CADM2: variants seen among roughly 807,000 people sequenced by gnomAD.
CADM2 encodes cell adhesion molecule 2, also known as immunoglobulin superfamily member 4D.
Under a neutral mutation model 49.8 loss-of-function variants are expected in CADM2, and 12 were observed. That is an observed-to-expected ratio of 0.24 (90% confidence interval 0.15 to 0.39). CADM2 has a LOEUF of 0.39. Ranked by LOEUF, CADM2 falls within the 10% of genes least tolerant of loss-of-function variation. The pLI, the probability that CADM2 is intolerant of heterozygous loss-of-function variation, is 1.00. For synonymous variants in CADM2, 214 were observed against 175.4 expected (o/e 1.22, Z -1.74); for missense variants, 378 against 492.3 (o/e 0.77, Z 2.20).
chr3:85,549,789 ATTTTT>A (rs71617942), intron 1 of CADM2, among the ~76,000 whole-genome samples: 1 of 134,874 alleles, frequency 7.4e-6, no homozygotes, highest in East Asian at 2.2e-4. Context: ...ATGCTGGGCT[ATTTTT>A]TTTTTTTTTG....
At chr3:86,017,919 C>G (rs1347091988) in intron 8 of CADM2, among the ~76,000 whole-genome samples, 1 of 143,184 alleles carries the variant, frequency 7.0e-6, no homozygotes, top group African/African-American at 2.6e-5. Flanking sequence ...GGTACATGTG[C>G]ACATTGTGCA....
chr3:85,939,704 GT>G (rs111587313), intron 7 of CADM2, among the ~76,000 whole-genome samples: 1,726 of 150,610 alleles, frequency 0.011, 31 homozygotes, highest in African/African-American at 0.038. Context: ...ATAATTATAG[GT>G]ATTGATAAGT....
intron 1 of CADM2, among the ~76,000 whole-genome samples, chr3:85,007,341 G>C (rs964186127): frequency 6.6e-6 from 1 of 152,066 alleles, no homozygotes; most frequent in Admixed American, 6.6e-5. Flanking sequence ...GTGAAACAAA[G>C]AGTCTCTGTG....
chr3:85,202,516 GC>G (rs1475786555), intron 1 of CADM2, among the ~76,000 whole-genome samples: 1 of 152,056 alleles, frequency 6.6e-6, no homozygotes, highest in Non-Finnish European at 1.5e-5. Context: ...TCAACAGTGG[GC>G]TTAAAATATT....
rs992918615 is a variant in CADM2 at position 85,715,559 on chromosome 3, G to T, written c.62-10963G>T. Reference sequence around the variant, plus strand: ...CTGGGATACATGTGCAGAACGTGCAGGTTTGTTACATAGATATTCATGTGC... The same window carrying T: ...CTGGGATACATGTGCAGAACGTGCATGTTTGTTACATAGATATTCATGTGC... On this transcript the variant is annotated intron_variant, in intron 1 of 9. Transcript: ENST00000383699. 2.0e-5 allele frequency among the ~76,000 whole-genome samples: 3 copies of T among 152,094 alleles called. 1 individual carries two copies. In the South Asian group the frequency reaches 6.2e-4, roughly 32 times the overall value.
chr3:85,351,680 T>G (rs570483926), intron 1 of CADM2, among the ~76,000 whole-genome samples: 1 of 152,310 alleles, frequency 6.6e-6, no homozygotes, highest in South Asian at 2.1e-4. Flanking sequence ...TGCAAGTGTT[T>G]CTGGTCCTGA....
At chr3:85,718,418 T>G (rs2067374306) in intron 1 of CADM2, among the ~76,000 whole-genome samples, 1 of 152,204 alleles carries the variant, frequency 6.6e-6, no homozygotes, top group Admixed American at 6.5e-5. Flanking sequence ...GGGTTTGCAT[T>G]TATCTTACAG....
chr3:85,098,315 C>A (rs1297540392), intron 1 of CADM2, among the ~76,000 whole-genome samples: 3 of 148,776 alleles, frequency 2.0e-5, no homozygotes, highest in African/African-American at 7.4e-5. Flanking sequence ...ACCAAAGGTA[C>A]ACAGTTTAAA....
intron 5 of CADM2, among the ~76,000 whole-genome samples, chr3:85,898,063 G>A (rs1043490509): frequency 6.6e-6 from 1 of 152,060 alleles, no homozygotes; most frequent in African/African-American, 2.4e-5. Context: ...ATTTAAATGT[G>A]GGTATGTATA....
chr3:85,894,704 T>A (rs556241214), intron 5 of CADM2, among the ~76,000 whole-genome samples: 2 of 152,188 alleles, frequency 1.3e-5, no homozygotes, highest in Non-Finnish European at 2.9e-5. Context: ...TTCTTCTGTG[T>A]GCAGCCTCTG....
At chr3:85,918,541 C>G (rs910582298) in intron 6 of CADM2, among the ~76,000 whole-genome samples, 5 of 152,122 alleles carry the variant, frequency 3.3e-5, no homozygotes, top group South Asian at 2.1e-4. Flanking sequence ...TGATGTGTTG[C>G]TGGATTCGGT....
intron 8 of CADM2, among the ~76,000 whole-genome samples, chr3:86,001,587 G>A (rs1730199950): frequency 6.6e-6 from 1 of 152,066 alleles, no homozygotes; most frequent in South Asian, 2.1e-4. Flanking sequence ...TCTGTAAAGG[G>A]GGATGATGGG....
intron 3 of CADM2, among the ~76,000 whole-genome samples, chr3:85,855,929 A>T (rs1238737656): frequency 6.6e-6 from 1 of 152,082 alleles, no homozygotes; most frequent in African/African-American, 2.4e-5. Flanking sequence ...CCCGGCCAAA[A>T]AATATTTTAA....
At chr3:86,058,141 A>G (rs1027980544) in intron 8 of CADM2, among the ~76,000 whole-genome samples, 1 of 152,214 alleles carries the variant, frequency 6.6e-6, no homozygotes, top group African/African-American at 2.4e-5. Context: ...CTGCCACCAG[A>G]TTCTTTTTCC....
intron 1 of CADM2, among the ~76,000 whole-genome samples, chr3:85,684,961 T>C (rs2066158365): frequency 6.6e-6 from 1 of 152,126 alleles, no homozygotes; most frequent in South Asian, 2.1e-4. Flanking sequence ...AAACCTAGGA[T>C]TTTGTTAAAA....
At chr3:85,262,571 A>G (rs1356843012) in intron 1 of CADM2, among the ~76,000 whole-genome samples, 1 of 152,174 alleles carries the variant, frequency 6.6e-6, no homozygotes, top group Non-Finnish European at 1.5e-5. Flanking sequence ...GTTTTTGTAT[A>G]AAGGCTCTAA....
intron 3 of CADM2, among the ~76,000 whole-genome samples, chr3:85,811,136 A>G (rs1318677380): frequency 6.6e-6 from 1 of 152,202 alleles, no homozygotes; most frequent in East Asian, 1.9e-4. Context: ...TTGGACATCA[A>G]AATCAGGATA....
chr3:85,077,763 T>G (rs535185736), intron 1 of CADM2, among the ~76,000 whole-genome samples: 1 of 152,160 alleles, frequency 6.6e-6, no homozygotes, highest in South Asian at 2.1e-4. Context: ...TAAAGAAAAG[T>G]TTTTTGTCAA....
intron 8 of CADM2, among the ~76,000 whole-genome samples, chr3:86,058,324 C>T (rs777507082): frequency 1.1e-4 from 17 of 152,102 alleles, no homozygotes; most frequent in Non-Finnish European, 2.2e-4. Context: ...CTTATACGTT[C>T]CAACTCTCTT....
Sources: gnomAD v4.1 joint callset for allele counts (sites outside exome capture counted in the v4.1 genomes callset) on GRCh38, gnomAD v4.1.1 for gene constraint, MANE v1.5 for transcripts, NCBI Gene and HGNC (gene_info 2026-07-23, HGNC 2026-07-21) for gene names.